ZCCHC8: variants seen among roughly 807,000 people sequenced by gnomAD.
ZCCHC8 encodes zinc finger CCHC-type containing 8, also known as zinc finger CCHC domain-containing protein 8.
Under a neutral mutation model 70.6 loss-of-function variants are expected in ZCCHC8, and 27 were observed. That is an observed-to-expected ratio of 0.38 (90% CI 0.28 to 0.53). The LOEUF is 0.53. Ranked by LOEUF, ZCCHC8 falls within the 20% of genes least tolerant of loss-of-function variation. The pLI, the probability that ZCCHC8 is intolerant of heterozygous loss-of-function variation, is 0.81. For missense variants in ZCCHC8, 737 were observed against 876.9 expected (o/e 0.84, Z 2.01); for synonymous variants, 293 against 317.4 (o/e 0.92, Z 0.82).
intron 2 of ZCCHC8, among the ~76,000 whole-genome samples, chr12:122,495,847 CAAAAAAA>C (rs538311699): frequency 1.3e-5 from 1 of 78,318 alleles, no homozygotes; most frequent in African/African-American, 5.6e-5. Flanking sequence ...CACTCTGTCT[CAAAAAAA>C]AAAAAAAAAA....
Position 122,474,225 on chromosome 12 carries a change from G to A in ZCCHC8, c.1396C>T (p.Pro466Ser), listed in dbSNP as rs948509701. Residue 466 changes from proline to serine, a missense_variant, in exon 14 of 14, where the codon CCA (proline) becomes TCA (serine). Coordinates refer to ENST00000633063, the MANE Select transcript of ZCCHC8 (RefSeq NM_017612.5). ...SQSSESFQFQ[P>S]PLPPDTPPLP... ...GGAGGAGTGTCAGGAGGTAATGGTG[G>A]TTGAAACTGAAAACTTTCGCTGCTC... 1.3e-6 allele frequency: 2 copies of A among 1,485,142 alleles called. No individual in the cohort carries two copies. Among genetic ancestry groups the A allele is most frequent in the African/African-American group, 1.4e-5 (1 of 69,986 alleles). 92.0% of individuals were successfully genotyped at this position (1,485,142 alleles called of 1,614,324 possible). A position where few individuals can be genotyped will look rare whatever the true frequency, so the allele number is the denominator to read the frequency against.
chr12:122,480,527 A>G, intron 10 of ZCCHC8: 1 of 376,478 alleles, frequency 2.7e-6, no homozygotes, highest in Admixed American at 4.6e-5. Context: ...GCTGGAGTGC[A>G]GTGGCACCAT....
chr12:122,484,660 TG>T (rs1428723405), intron 5 of ZCCHC8, among the ~76,000 whole-genome samples: 3 of 152,004 alleles, frequency 2.0e-5, no homozygotes, highest in Non-Finnish European at 4.4e-5. Context: ...CCCAAAGTGC[TG>T]GGACTACAGG....
intron 2 of ZCCHC8, among the ~76,000 whole-genome samples, 198 bp downstream of exon 2, chr12:122,498,629 C>T (rs1181244040): frequency 1.3e-5 from 2 of 152,178 alleles, no homozygotes; most frequent in African/African-American, 4.8e-5. Context: ...AATGAGCTTA[C>T]AATTTTAATC....
rs192216384 is a variant in ZCCHC8, at chr12:122,471,869, C to T, written c.*1628G>A. On this transcript the variant is annotated 3_prime_UTR_variant, in exon 14 of 14. Coordinates refer to ENST00000633063, the MANE Select transcript of ZCCHC8 (RefSeq NM_017612.5). ...ACTGCCTGAGACTAACAATTCAAGACGATCTAAACATTTATTTTCATGGAC... is the reference window on the plus strand; with the variant it reads ...ACTGCCTGAGACTAACAATTCAAGATGATCTAAACATTTATTTTCATGGAC... The T allele has an allele frequency of 8.1e-4, 124 of 152,236 alleles. No homozygotes were observed. Among genetic ancestry groups the T allele is most frequent in the Admixed American group, 7.3e-3 (111 of 15,272 alleles). 9.4% of individuals were successfully genotyped at this position (152,236 alleles called of 1,614,324 possible).
chr12:122,473,373 T>C lies in ZCCHC8; in HGVS notation c.*124A>G, dbSNP rs1194371126. On this transcript the variant is annotated 3_prime_UTR_variant, in exon 14 of 14. Coordinates refer to ENST00000633063, the MANE Select transcript of ZCCHC8 (RefSeq NM_017612.5). ...TTAAAATAGGCTTGACTTTGGAACA[T>C]GAACCTTGGATAGATTTTTAAACAT... 5.0e-5 allele frequency: 57 copies of C among 1,132,554 alleles called. No homozygotes were observed. In the East Asian group the frequency reaches 1.3e-3, roughly 25 times the overall value. The allele number at this position is 1,132,554 out of a possible 1,614,324, so 70.2% of individuals were successfully genotyped here. A position where few individuals can be genotyped will look rare whatever the true frequency, so the allele number is the denominator to read the frequency against.
Position 122,483,613 on chromosome 12 carries a change from A to G in ZCCHC8, c.502-50T>C. On this transcript the variant is annotated intron_variant, in intron 5 of 13. Transcript: ENST00000633063. The surrounding 1 kb of genome is among the most constrained non-coding windows in gnomAD (Gnocchi z 4.4). ...TTGCTATTTAAGCAGAAAAAAAGAC[A>G]TTAAATAATGTAAGATTATGATTAA... The G allele has an allele frequency of 7.7e-7, 1 of 1,306,624 alleles. No homozygotes were observed. The highest frequency in any genetic ancestry group is 2.1e-5 in the Admixed American group (1 of 47,104). The allele number at this position is 1,306,624 out of a possible 1,614,324, so 80.9% of individuals were successfully genotyped here.
At chr12:122,482,577 G>A in intron 8 of ZCCHC8, 58 bp downstream of exon 8, 1 of 1,373,994 alleles carries the variant, frequency 7.3e-7, no homozygotes, top group Non-Finnish European at 1.0e-6. Context: ...ACATAAATGT[G>A]TTGAAAACAT....
chr12:122,478,523 A>C (rs900639552), intron 11 of ZCCHC8: 3 of 450,956 alleles, frequency 6.7e-6, no homozygotes, highest in African/African-American at 6.0e-5. Context: ...TCACTTGGCC[A>C]AAAAAGGTTC....
At chr12:122,498,736 C>T in intron 2 of ZCCHC8, 91 bp downstream of exon 2, 2 of 1,226,366 alleles carry the variant, frequency 1.6e-6, no homozygotes, top group Non-Finnish European at 2.4e-6. Flanking sequence ...ACAAAAATCC[C>T]ATACACTTTT....
chr12:122,481,556 C>T lies in ZCCHC8; in HGVS notation c.984G>A (p.Leu328=). Reference sequence around the variant, plus strand: ...CATAGAGTGCAAGCCCCGAATTCTCCAATTCAGCCTCTTTGAGCCACCCTG... The same window carrying T: ...CATAGAGTGCAAGCCCCGAATTCTCTAATTCAGCCTCTTTGAGCCACCCTG... ...YPPGWLKEAE[L]ENSGLALYDG... is the part of the protein sequence containing the mutation. Residue 328 remains leucine (L), a synonymous_variant, in exon 10 of 14, where the codon TTG becomes TTA. Coordinates refer to ENST00000633063, the MANE Select transcript of ZCCHC8 (RefSeq NM_017612.5). The T allele has an allele frequency of 6.2e-7, 1 of 1,613,834 alleles. No homozygotes were observed. Among genetic ancestry groups the T allele is most frequent in the Non-Finnish European group, 8.5e-7 (1 of 1,179,840 alleles).
intron 2 of ZCCHC8, among the ~76,000 whole-genome samples, chr12:122,495,511 A>G (rs1164327396): frequency 6.6e-6 from 1 of 152,184 alleles, no homozygotes; most frequent in Non-Finnish European, 1.5e-5. Context: ...ACAAACAGAA[A>G]GTAAAACAAA....
intron 13 of ZCCHC8, among the ~76,000 whole-genome samples, chr12:122,475,360 TA>T (rs1957399208): frequency 6.6e-6 from 1 of 152,030 alleles, no homozygotes; most frequent in African/African-American, 2.4e-5. Flanking sequence ...TTGTTTTCTC[TA>T]ATCTACACTG....
intron 13 of ZCCHC8, among the ~76,000 whole-genome samples, chr12:122,474,859 C>T (rs1158761630): frequency 2.0e-5 from 3 of 150,750 alleles, no homozygotes; most frequent in Non-Finnish European, 3.0e-5. Context: ...CTCAGCCTCC[C>T]GAGTAGCTGC....
chr12:122,490,627 G>T, intron 3 of ZCCHC8, 60 bp from the exon 4 acceptor site: 2 of 990,756 alleles, frequency 2.0e-6, no homozygotes. Context: ...ATAGACTGAA[G>T]TCTTATGCAT....
chr12:122,482,488 A>T (rs1957555586), intron 8 of ZCCHC8, 147 bp downstream of exon 8: 1 of 511,898 alleles, frequency 2.0e-6, no homozygotes, highest in East Asian at 3.2e-5. Flanking sequence ...TATGAACACA[A>T]ATTTGAAAAG....
chr12:122,477,444 G>A (rs565540521), intron 13 of ZCCHC8, among the ~76,000 whole-genome samples: 3 of 141,498 alleles, frequency 2.1e-5, no homozygotes, highest in East Asian at 2.6e-4. Context: ...GTGAGCCACC[G>A]CGCCCGGCTT....
At position 122,483,046 on chromosome 12, in the gene ZCCHC8, C is replaced by A; in HGVS notation, c.671+233G>T. On this transcript the variant is annotated intron_variant, in intron 7 of 13. Coordinates refer to ENST00000633063, the MANE Select transcript of ZCCHC8 (RefSeq NM_017612.5). This position sits in a 1 kb window ranked among gnomAD's most constrained non-coding sequence, Gnocchi z 4.4. ...TATAAGACTGCAATCAAATTGACAG[C>A]AACAATTATACCTTTCCACCCACCC... 1.9e-6 allele frequency: 1 copy of A among 538,170 alleles called. No individual in the cohort carries two copies. The highest frequency in any genetic ancestry group is 3.2e-6 in the Non-Finnish European group (1 of 307,752). 33.3% of individuals were successfully genotyped at this position (538,170 alleles called of 1,614,324 possible). A position where few individuals can be genotyped will look rare whatever the true frequency, so the allele number is the denominator to read the frequency against.
At chr12:122,488,472 C>T (rs1017583461) in intron 5 of ZCCHC8, among the ~76,000 whole-genome samples, 1 of 151,882 alleles carries the variant, frequency 6.6e-6, no homozygotes, top group South Asian at 2.1e-4. Flanking sequence ...TGAGCCACTG[C>T]ACCCAGCCTA....
Sources: allele counts gnomAD v4.1 joint callset (sites outside exome capture counted in the v4.1 genomes callset), GRCh38; gene constraint gnomAD v4.1.1; non-coding constraint Gnocchi (gnomAD v3.1); transcripts MANE v1.5; gene names NCBI Gene and HGNC (gene_info 2026-07-23, HGNC 2026-07-21).